Variants in EYS observed in about 807,000 individuals in gnomAD.
The protein encoded by EYS is EGF-like photoreceptor maintenance factor.
A neutral mutation model predicts 282.1 loss-of-function variants in EYS; 250 were observed. The observed-to-expected ratio is 0.89, with a 90% CI of 0.80 to 0.98. The LOEUF is 0.98. EYS is among the 50% of genes least tolerant of loss of function. EYS has a pLI of 0.00. For missense variants in EYS, 4,016 were observed against 3,709.0 expected, an observed-to-expected ratio of 1.08 and a Z score of -2.15; for synonymous variants, 1,355 against 1,282.9, an observed-to-expected ratio of 1.06 and a Z score of -1.20.
intron 30 of EYS, among the ~76,000 whole-genome samples, chr6:64,233,067 A>G (rs141414635): frequency 8.3e-4 from 127 of 152,270 alleles, no homozygotes; most frequent in African/African-American, 3.0e-3. Flanking sequence ...GTCTGTCACC[A>G]CTTTCTCAGG....
intron 26 of EYS, among the ~76,000 whole-genome samples, chr6:64,525,521 G>GTT (rs1369686114): frequency 6.6e-6 from 1 of 151,550 alleles, no homozygotes; most frequent in East Asian, 1.9e-4. Context: ...GGGACTACTT[G>GTT]AGGGTGGAGG....
chr6:65,443,215 CATA>C (rs2150394849), intron 5 of EYS, among the ~76,000 whole-genome samples: 1 of 151,586 alleles, frequency 6.6e-6, no homozygotes, highest in South Asian at 2.1e-4. Context: ...ATGTATGCAT[CATA>C]TACACATGTA....
chr6:64,590,776 G>C lies in EYS; in HGVS notation c.5091C>G (p.Asn1697Lys). Residue 1697 changes from asparagine (N) to lysine (K), a missense_variant, in exon 26 of 43, where the codon AAC (asparagine) becomes AAG (lysine). Physicochemically the swap from Asn to Lys is moderately conservative, Grantham distance 94 (BLOSUM62 0). Coordinates refer to ENST00000503581, the MANE Select transcript of EYS (RefSeq NM_001142800.2). ...MTTDELSVSE[N>K]ILKLLKIRQY... ...GTCTTATTTTCAATAGTTTTAAAAT[G>C]TTTTCTGATACTGACAGTTCATCAG... The C allele has an allele frequency of 6.5e-7, 1 of 1,550,314 alleles. No individual in the cohort carries two copies. The highest frequency in any genetic ancestry group is 8.7e-7 in the Non-Finnish European group (1 of 1,146,062).
chr6:64,810,096 T>A (rs1231661000), intron 22 of EYS, among the ~76,000 whole-genome samples: 1 of 117,894 alleles, frequency 8.5e-6, no homozygotes, highest in Non-Finnish European at 2.0e-5. Flanking sequence ...AATGAGTGAA[T>A]CAGTATCAAT....
chr6:65,211,865 G>C (rs1036380481), intron 12 of EYS, among the ~76,000 whole-genome samples: 1 of 151,844 alleles, frequency 6.6e-6, no homozygotes, highest in Non-Finnish European at 1.5e-5. Context: ...ATGAGAATAG[G>C]CTCGAATATC....
At chr6:65,333,944 T>C (rs1462989858) in intron 11 of EYS, among the ~76,000 whole-genome samples, 1 of 151,484 alleles carries the variant, frequency 6.6e-6, no homozygotes, top group Non-Finnish European at 1.5e-5. Context: ...TCAGCTTATT[T>C]GTATCTTTGA....
chr6:64,686,312 T>C (rs1770097435), intron 22 of EYS, among the ~76,000 whole-genome samples: 1 of 151,886 alleles, frequency 6.6e-6, no homozygotes, highest in East Asian at 1.9e-4. Flanking sequence ...AAGAGAAATC[T>C]TTTATAAATA....
At chr6:64,560,090 T>A (rs768421559) in intron 26 of EYS, among the ~76,000 whole-genome samples, 1 of 152,168 alleles carries the variant, frequency 6.6e-6, no homozygotes, top group Non-Finnish European at 1.5e-5. Context: ...ATTGTTCTTG[T>A]ATTTCTGTAT....
chr6:65,168,861 A>G (rs560477056), intron 12 of EYS, among the ~76,000 whole-genome samples: 2 of 151,472 alleles, frequency 1.3e-5, no homozygotes, highest in South Asian at 4.2e-4. Flanking sequence ...TGAGTTTTTA[A>G]TCTCACAAGC....
chr6:64,328,098 C>T (rs1196385867), intron 29 of EYS, among the ~76,000 whole-genome samples: 2 of 152,200 alleles, frequency 1.3e-5, no homozygotes, highest in African/African-American at 4.8e-5. Flanking sequence ...CTACTGATCT[C>T]TTAAATTGGA....
At chr6:65,417,811 A>G (rs1041280738) in intron 5 of EYS, among the ~76,000 whole-genome samples, 24 of 152,020 alleles carry the variant, frequency 1.6e-4, no homozygotes, top group Admixed American at 7.9e-4. Flanking sequence ...GAAACATTCC[A>G]TCTCTACATT....
intron 36 of EYS, among the ~76,000 whole-genome samples, chr6:63,842,629 A>G (rs772104344): frequency 2.0e-5 from 3 of 151,958 alleles, no homozygotes; most frequent in Admixed American, 6.6e-5. Context: ...CCATTTATCT[A>G]TTTTTGCTTT....
intron 13 of EYS, among the ~76,000 whole-genome samples, chr6:65,001,296 C>T (rs1771460832): frequency 6.8e-6 from 1 of 147,298 alleles, no homozygotes; most frequent in Non-Finnish European, 1.5e-5. Context: ...GTGGAGGTGG[C>T]TCTCAGCAGG....
intron 11 of EYS, chr6:65,329,678 C>T (rs1769724351): frequency 3.1e-6 from 3 of 981,582 alleles, no homozygotes; most frequent in Non-Finnish European, 3.6e-6. Context: ...ACCAACTATT[C>T]AACTTGTTAA....
intron 12 of EYS, among the ~76,000 whole-genome samples, chr6:65,167,081 A>G (rs1033027989): frequency 6.6e-6 from 1 of 151,256 alleles, no homozygotes. Context: ...CCTTGCATAT[A>G]CCATTGGTGG....
chr6:64,636,200 C>G (rs1031517494), intron 22 of EYS, among the ~76,000 whole-genome samples: 2 of 152,102 alleles, frequency 1.3e-5, no homozygotes, highest in African/African-American at 4.8e-5. Context: ...TACTACAAGG[C>G]TACAGTAACC....
chr6:64,609,924 A>C (rs947726182), intron 24 of EYS, among the ~76,000 whole-genome samples: 1 of 150,828 alleles, frequency 6.6e-6, no homozygotes, highest in African/African-American at 2.4e-5. Flanking sequence ...TTAACTATAT[A>C]TAGACAATAA....
chr6:65,336,624 C>A (rs1171763577), intron 10 of EYS, among the ~76,000 whole-genome samples: 1 of 151,394 alleles, frequency 6.6e-6, no homozygotes, highest in Non-Finnish European at 1.5e-5. Context: ...TTGCTAAATA[C>A]TTTTATCCTT....
intron 35 of EYS, among the ~76,000 whole-genome samples, chr6:63,949,974 C>G (rs539352347): frequency 6.6e-6 from 1 of 152,176 alleles, no homozygotes; most frequent in East Asian, 1.9e-4. Context: ...GAGTTCCAGA[C>G]CAGCCTGGCC....
Sources: gnomAD v4.1 joint callset for allele counts (sites outside exome capture counted in the v4.1 genomes callset) on GRCh38, gnomAD v4.1.1 for gene constraint, MANE v1.5 for transcripts, NCBI Gene and HGNC (gene_info 2026-07-23, HGNC 2026-07-21) for gene names.